Variants in ADAMTS3 observed in about 807,000 individuals in gnomAD.
ADAMTS3 encodes A disintegrin and metalloproteinase with thrombospondin motifs 3.
ADAMTS3 carries 73 observed loss-of-function variants against 129.0 expected under a neutral mutation model. The observed-to-expected ratio is 0.57, with a 90% confidence interval of 0.47 to 0.69. ADAMTS3 has a LOEUF of 0.69. Ranked by LOEUF, ADAMTS3 falls within the 30% of genes least tolerant of loss-of-function variation. The probability of loss-of-function intolerance (pLI) is 0.00; values close to 1 mark genes in which losing one functional copy is unlikely to be tolerated. For synonymous variants in ADAMTS3, 477 were observed against 510.8 expected, an observed-to-expected ratio of 0.93 and a Z score of 0.89; for missense variants, 1,457 against 1,514.5, an observed-to-expected ratio of 0.96 and a Z score of 0.63.
At chr4:72,341,122 C>A (rs1469237815) in intron 4 of ADAMTS3, among the ~76,000 whole-genome samples, 1 of 152,070 alleles carries the variant, frequency 6.6e-6, no homozygotes, top group African/African-American at 2.4e-5. Flanking sequence ...TGTCTTTTGG[C>A]TGGGAAGGTT....
chr4:72,543,197 G>A (rs555952362), intron 3 of ADAMTS3, among the ~76,000 whole-genome samples: 1 of 152,036 alleles, frequency 6.6e-6, no homozygotes, highest in Non-Finnish European at 1.5e-5. Context: ...GGCACTAAGA[G>A]GAATAAGACA....
chr4:72,525,042 A>G (rs1720772706), intron 3 of ADAMTS3, among the ~76,000 whole-genome samples: 1 of 152,200 alleles, frequency 6.6e-6, no homozygotes, highest in Non-Finnish European at 1.5e-5. Flanking sequence ...TCTGGGAACC[A>G]GTTTCTTCAT....
intron 15 of ADAMTS3, among the ~76,000 whole-genome samples, chr4:72,307,041 CA>C (rs1339534192): frequency 4.0e-5 from 6 of 151,844 alleles, no homozygotes; most frequent in Non-Finnish European, 2.9e-5. Context: ...CCTACACCTT[CA>C]ATACATTATG....
chr4:72,435,949 A>G (rs1717895997), intron 3 of ADAMTS3, among the ~76,000 whole-genome samples: 1 of 152,260 alleles, frequency 6.6e-6, no homozygotes, highest in Non-Finnish European at 1.5e-5. Flanking sequence ...ATGGGCAAGG[A>G]ATTCATGACT....
intron 19 of ADAMTS3, among the ~76,000 whole-genome samples, chr4:72,292,234 C>T (rs1421314597): frequency 6.6e-6 from 1 of 152,206 alleles, no homozygotes; most frequent in East Asian, 1.9e-4. Context: ...AAATCTGGTT[C>T]ACATTCTACA....
Position 72,353,560 on chromosome 4 carries a change from A to G in ADAMTS3, c.662-13867T>C, listed in dbSNP as rs989936253. On this transcript the variant is annotated intron_variant, in intron 4 of 21. Transcript: ENST00000286657. ...GGAGTCAGCAGGTCCAGCAGCAGCTATCTCCACCTCCCATTCCCAGATTTT... is the reference window on the plus strand; with the variant it reads ...GGAGTCAGCAGGTCCAGCAGCAGCTGTCTCCACCTCCCATTCCCAGATTTT... Among the ~76,000 whole-genome samples the G allele has an allele frequency of 3.3e-5, 5 of 152,050 alleles. No individual in the cohort carries two copies. In the South Asian group the frequency reaches 1.0e-3, roughly 32 times the overall value.
At chr4:72,533,704 T>C (rs1366217988) in intron 3 of ADAMTS3, among the ~76,000 whole-genome samples, 1 of 54,340 alleles carries the variant, frequency 1.8e-5, no homozygotes, top group Non-Finnish European at 4.1e-5. Flanking sequence ...TACTTTTTTC[T>C]TTACACTGGT....
intron 8 of ADAMTS3, 106 bp from the exon 9 acceptor site, chr4:72,319,581 TG>T: frequency 7.4e-7 from 1 of 1,357,780 alleles, no homozygotes; most frequent in South Asian, 1.5e-5. Flanking sequence ...TGAGTCAACG[TG>T]GCTTTCTTGA....
At chr4:72,568,406 CT>C (rs1722077127) in intron 1 of ADAMTS3, among the ~76,000 whole-genome samples, 1 of 152,126 alleles carries the variant, frequency 6.6e-6, no homozygotes. Flanking sequence ...TGGGAACTGG[CT>C]GCGGTTTGTC....
chr4:72,455,329 A>G (rs987999310), intron 3 of ADAMTS3, among the ~76,000 whole-genome samples: 7 of 151,708 alleles, frequency 4.6e-5, no homozygotes, highest in African/African-American at 1.7e-4. Flanking sequence ...TTGCAGGGAC[A>G]TGGATGAAGC....
chr4:72,381,785 G>C (rs1256433976), intron 4 of ADAMTS3, among the ~76,000 whole-genome samples: 1 of 104,536 alleles, frequency 9.6e-6, no homozygotes, highest in East Asian at 2.9e-4. Context: ...TACAGCCCAA[G>C]GCTAGGATCT....
intron 3 of ADAMTS3, among the ~76,000 whole-genome samples, chr4:72,540,114 A>G (rs1721283173): frequency 6.6e-6 from 1 of 152,160 alleles, no homozygotes. Flanking sequence ...AACTTCCTAG[A>G]GACTTGTTGA....
chr4:72,450,889 A>G (rs1718380620), intron 3 of ADAMTS3, among the ~76,000 whole-genome samples: 1 of 150,602 alleles, frequency 6.6e-6, no homozygotes. Flanking sequence ...AATAAATGGG[A>G]GCAATAGAAA....
chr4:72,483,890 C>T (rs1054527125), intron 3 of ADAMTS3, among the ~76,000 whole-genome samples: 44 of 152,050 alleles, frequency 2.9e-4, no homozygotes, highest in East Asian at 1.9e-4. Flanking sequence ...TGGTGGCAGG[C>T]GCCTGTAGTC....
intron 14 of ADAMTS3, among the ~76,000 whole-genome samples, chr4:72,310,816 C>T (rs531780932): frequency 6.6e-6 from 1 of 152,158 alleles, no homozygotes; most frequent in Admixed American, 6.6e-5. Context: ...TCAGAAAAGG[C>T]ATTTGGCTGG....
rs530403979 is a variant in ADAMTS3 at position 72,343,412 on chromosome 4, C to A, written c.662-3719G>T. Among the ~76,000 whole-genome samples, 5 of 152,222 alleles carry A rather than the reference C, an allele frequency of 3.3e-5. No homozygotes were observed. In the South Asian group the frequency reaches 1.0e-3, roughly 32 times the overall value. On this transcript the variant is annotated intron_variant, in intron 4 of 21. Transcript: ENST00000286657. ...TGTTAGAAAAGAAAATGATTTGGGGCTGCTTTTCATGAAAAGAAACATGTT... is the reference window on the plus strand; with the variant it reads ...TGTTAGAAAAGAAAATGATTTGGGGATGCTTTTCATGAAAAGAAACATGTT...
At chr4:72,423,381 T>C (rs1463188124) in intron 3 of ADAMTS3, among the ~76,000 whole-genome samples, 3 of 152,120 alleles carry the variant, frequency 2.0e-5, no homozygotes, top group Non-Finnish European at 2.9e-5. Context: ...AAGACTATCA[T>C]TATACCTTAG....
At chr4:72,325,203 T>A (rs1487862919) in intron 5 of ADAMTS3, among the ~76,000 whole-genome samples, 1 of 152,066 alleles carries the variant, frequency 6.6e-6, no homozygotes, top group East Asian at 1.9e-4. Flanking sequence ...TTAAAACCAT[T>A]CACATTATTA....
rs571340995 is a variant in ADAMTS3, at chr4:72,328,931, T to G, written c.862-5834A>C. On this transcript the variant is annotated intron_variant, in intron 5 of 21. Transcript: ENST00000286657. Reference sequence around the variant, plus strand: ...AAAGTTCCAAACTCATACCTGCTTGTATTCTCAGCCCCATACTCAGTATTC... The same window carrying G: ...AAAGTTCCAAACTCATACCTGCTTGGATTCTCAGCCCCATACTCAGTATTC... Among the ~76,000 whole-genome samples the G allele has an allele frequency of 4.0e-4, 61 of 152,284 alleles. 1 individual carries two copies. In the South Asian group the frequency reaches 0.013, roughly 32 times the overall value.
Sources: gnomAD v4.1 joint callset for allele counts (sites outside exome capture counted in the v4.1 genomes callset) on GRCh38, gnomAD v4.1.1 for gene constraint, MANE v1.5 for transcripts, NCBI Gene and HGNC (gene_info 2026-07-23, HGNC 2026-07-21) for gene names.